Variants in LGR5 observed in about 807,000 individuals in gnomAD.
LGR5 encodes leucine-rich repeat-containing G protein-coupled receptor 5.
In LGR5, 54 loss-of-function variants were observed where a neutral mutation model predicts 76.7. The observed-to-expected ratio is 0.70, with a 90% CI of 0.57 to 0.88. The LOEUF is 0.88. Among genes scored for constraint, LGR5 ranks in the 40% least tolerant of loss-of-function variants. The probability of loss-of-function intolerance (pLI) is 0.00; values close to 1 mark genes in which losing one functional copy is unlikely to be tolerated. For synonymous variants in LGR5, 406 were observed against 421.9 expected, an observed-to-expected ratio of 0.96 and a Z score of 0.46; for missense variants, 1,078 against 1,073.3, an observed-to-expected ratio of 1.00 and a Z score of -0.06.
rs541721912 is a variant in LGR5, at chr12:71,520,938, A to T, written c.285-3468A>T. On this transcript the variant is annotated intron_variant, in intron 2 of 17. Coordinates refer to ENST00000266674, the MANE Select transcript of LGR5 (RefSeq NM_003667.4). ...TTTAAAAATGCTACTGAATCTACAC[A>T]TACAAATGTTTAAAATAGTAAATAT... is the stretch of plus-strand genomic sequence containing the variant. Among the ~76,000 whole-genome samples, 127 of 152,360 alleles carry T rather than the reference A, an allele frequency of 8.3e-4. No individual in the cohort carries two copies. The Middle Eastern group carries it at 0.01, about 12-fold the overall frequency.
chr12:71,513,540 G>C (rs1875275024), intron 2 of LGR5, among the ~76,000 whole-genome samples: 1 of 152,212 alleles, frequency 6.6e-6, no homozygotes, highest in South Asian at 2.1e-4. Context: ...TTTCTACATA[G>C]TGTGAGCAAA....
chr12:71,468,709 CTTT>C (rs538254378), intron 1 of LGR5, among the ~76,000 whole-genome samples: 18 of 70,074 alleles, frequency 2.6e-4, no homozygotes, highest in African/African-American at 8.8e-4. Flanking sequence ...GTGGTAGCCT[CTTT>C]TTTTTTTTTT....
In LGR5 at chr12:71,566,878, A is replaced by C. The variant is rs116452232; in HGVS notation, c.1036A>C (p.Thr346Pro). The change falls in exon 11 of 18, where the codon ACC becomes CCC. Residue 346 changes from threonine to proline, a missense_variant. Transcript: ENST00000266674. ...AGCACAGATCTCATCTCTTCCTCAAACCGTCTGCAATCAGTTACCTAATCT... is the reference window on the plus strand; with the variant it reads ...AGCACAGATCTCATCTCTTCCTCAACCCGTCTGCAATCAGTTACCTAATCT... ...TGAQISSLPQ[T>P]VCNQLPNLQV... 1.8e-4 allele frequency: 292 copies of C among 1,613,868 alleles called. No homozygotes were observed. In the Middle Eastern group the frequency reaches 4.8e-3, roughly 26 times the overall value.
rs1871667571 is a variant in LGR5 at position 71,439,870 on chromosome 12, C to A, written c.-211C>A. 1 of 536,354 alleles carries A rather than the reference C, an allele frequency of 1.9e-6. No homozygotes were observed. Among genetic ancestry groups the A allele is most frequent in the Non-Finnish European group, 3.2e-6 (1 of 308,500 alleles). The allele number at this position is 536,354 out of a possible 1,614,324, so 33.2% of individuals were successfully genotyped here. A position where few individuals can be genotyped will look rare whatever the true frequency, so the allele number is the denominator to read the frequency against. On this transcript the variant is annotated 5_prime_UTR_variant, in exon 1 of 18. Transcript: ENST00000266674. ...GTCGCCGCTGCAGCCAGGGCTGCTC[C>A]GAAGGCCGGCGTGGCGGCAACCGGC...
At chr12:71,448,084 A>ACACACACACACACAC (rs1872091735) in intron 1 of LGR5, among the ~76,000 whole-genome samples, 1 of 145,584 alleles carries the variant, frequency 6.9e-6, no homozygotes, top group Admixed American at 6.8e-5. Context: ...CACACACACA[A>ACACACACACACACAC]ACACACACAC....
intron 15 of LGR5, among the ~76,000 whole-genome samples, chr12:71,579,808 A>G (rs1879014653): frequency 6.6e-6 from 1 of 152,186 alleles, no homozygotes; most frequent in Non-Finnish European, 1.5e-5. Context: ...GTCTCTATTA[A>G]GCATCCAGGA....
intron 1 of LGR5, among the ~76,000 whole-genome samples, chr12:71,490,650 T>C (rs1310718187): frequency 6.6e-6 from 1 of 152,144 alleles, no homozygotes; most frequent in Non-Finnish European, 1.5e-5. Context: ...CTGCAACTAT[T>C]TTCAGACAAC....
chr12:71,572,732 T>C (rs1013474451), intron 12 of LGR5, 118 bp from the exon 13 acceptor site: 1 of 687,772 alleles, frequency 1.5e-6, no homozygotes, highest in African/African-American at 1.8e-5. Context: ...ACTTGATAGA[T>C]ACACTTCATG....
Position 71,478,499 on chromosome 12 carries a change from A to C in LGR5, c.213-26115A>C, listed in dbSNP as rs1006478474. Among the ~76,000 whole-genome samples the C allele has an allele frequency of 3.9e-5, 6 of 152,168 alleles. No homozygotes were observed. In the East Asian group the frequency reaches 9.6e-4, roughly 24 times the overall value. On this transcript the variant is annotated intron_variant, in intron 1 of 17. Transcript: ENST00000266674. ...GCTCCCTCTTCTGGAACCTTGGTTA[A>C]ATTGAATGGGAAAACTGTTTACTTG...
chr12:71,575,179 T>C (rs1483089665), intron 13 of LGR5, among the ~76,000 whole-genome samples: 1 of 152,102 alleles, frequency 6.6e-6, no homozygotes, highest in East Asian at 1.9e-4. Context: ...ACCTACCTCT[T>C]AGGGTTGTGG....
chr12:71,454,776 A>AAC (rs35219754), intron 1 of LGR5, among the ~76,000 whole-genome samples: 1,544 of 147,016 alleles, frequency 0.011, 14 homozygotes, highest in South Asian at 0.023. Context: ...CATAGACACA[A>AAC]ACACACACAC....
intron 1 of LGR5, among the ~76,000 whole-genome samples, chr12:71,464,615 G>T (rs989073457): frequency 3.4e-4 from 51 of 152,218 alleles, no homozygotes; most frequent in African/African-American, 1.1e-3. Context: ...TATCACATAA[G>T]CTACAATTAT....
chr12:71,468,625 AAGCC>A (rs929348334), intron 1 of LGR5, among the ~76,000 whole-genome samples: 2 of 152,056 alleles, frequency 1.3e-5, no homozygotes, highest in Non-Finnish European at 2.9e-5. Flanking sequence ...TAAGCTTTCA[AAGCC>A]AGCCATATGC....
chr12:71,526,965 A>T (rs998933927), intron 3 of LGR5, among the ~76,000 whole-genome samples: 1 of 152,188 alleles, frequency 6.6e-6, no homozygotes, highest in Non-Finnish European at 1.5e-5. Context: ...ATTCAGGAGA[A>T]GCTACAGAGC....
intron 4 of LGR5, among the ~76,000 whole-genome samples, chr12:71,535,798 G>C (rs1280622061): frequency 6.6e-6 from 1 of 152,072 alleles, no homozygotes; most frequent in Non-Finnish European, 1.5e-5. Context: ...CAGACACATG[G>C]ACTCACAGAG....
In LGR5 at chr12:71,572,917, T is replaced by A; in HGVS notation, c.1204T>A (p.Ser402Thr). ...TTTCCAGCAGTTGCTTAGCCTCCGATCGCTGTGAGTATCACCTCCCAGTGC... is the reference window on the plus strand; with the variant it reads ...TTTCCAGCAGTTGCTTAGCCTCCGAACGCTGTGAGTATCACCTCCCAGTGC... ...DTFQQLLSLR[S>T]LNLAWNKIAI... Residue 402 changes from serine (S) to threonine (T), a missense_variant, in exon 13 of 18, where the codon TCG (serine) becomes ACG (threonine). By Grantham distance (58) the Ser-to-Thr change is moderately conservative. Coordinates refer to ENST00000266674, the MANE Select transcript of LGR5 (RefSeq NM_003667.4). 1.2e-6 allele frequency: 2 copies of A among 1,612,504 alleles called. No homozygotes were observed. Among genetic ancestry groups the A allele is most frequent in the Non-Finnish European group, 1.7e-6 (2 of 1,178,498 alleles).
chr12:71,554,979 G>A (rs568435196), intron 5 of LGR5, among the ~76,000 whole-genome samples: 15 of 152,050 alleles, frequency 9.9e-5, no homozygotes, highest in Admixed American at 2.6e-4. Context: ...CTGGCCCACC[G>A]CTCTCTTCAA....
intron 1 of LGR5, among the ~76,000 whole-genome samples, chr12:71,474,055 T>A (rs1325125718): frequency 6.6e-6 from 1 of 152,170 alleles, no homozygotes; most frequent in East Asian, 1.9e-4. Flanking sequence ...ACATCCTATT[T>A]GTTTTCTTTT....
chr12:71,576,506 C>T (rs1195273046), intron 13 of LGR5, among the ~76,000 whole-genome samples: 1 of 152,134 alleles, frequency 6.6e-6, no homozygotes, highest in Non-Finnish European at 1.5e-5. Context: ...CCCTTTCCTT[C>T]TGGGGCTTCT....
Sources: allele counts gnomAD v4.1 joint callset (sites outside exome capture counted in the v4.1 genomes callset), GRCh38; gene constraint gnomAD v4.1.1; transcripts MANE v1.5; gene names NCBI Gene and HGNC (gene_info 2026-07-23, HGNC 2026-07-21).